Variants in FER1L5 observed in about 807,000 individuals in gnomAD.
FER1L5 encodes the protein fer-1-like protein 5.
A neutral mutation model predicts 279.9 loss-of-function variants in FER1L5; 187 were observed. The observed-to-expected ratio is 0.67, with a 90% CI of 0.59 to 0.75. FER1L5 has a LOEUF of 0.75. FER1L5 is among the 30% of genes least tolerant of loss of function. The probability of loss-of-function intolerance (pLI) is 0.00; values close to 1 mark genes in which losing one functional copy is unlikely to be tolerated. For synonymous variants in FER1L5, 921 were observed against 989.7 expected (o/e 0.93, Z 1.30); for missense variants, 2,091 against 2,594.4 (o/e 0.81, Z 4.21).
intron 6 of FER1L5, among the ~76,000 whole-genome samples, chr2:96,651,264 TTTCTTTC>T (rs1440557045): frequency 2.7e-5 from 4 of 150,176 alleles, no homozygotes; most frequent in African/African-American, 7.4e-5. Flanking sequence ...TCTTTCTTTC[TTTCTTTC>T]TTTCTTTCTT....
Position 96,704,803 on chromosome 2 carries a change from C to G in FER1L5, c.*111C>G. 2.5e-6 allele frequency: 2 copies of G among 811,284 alleles called. No homozygotes were observed. Among genetic ancestry groups the G allele is most frequent in the South Asian group, 3.5e-5 (2 of 57,812 alleles). The allele number at this position is 811,284 out of a possible 1,614,324, so 50.3% of individuals were successfully genotyped here. ...ATATATGCAAGATGCTAGGAATATT[C>G]TGGCTATTGTGTTCAGAAATCACTT... is the stretch of plus-strand genomic sequence containing the variant. On this transcript the variant is annotated 3_prime_UTR_variant, in exon 53 of 53. Coordinates refer to ENST00000624922, the MANE Select transcript of FER1L5 (RefSeq NM_001293083.2).
At chr2:96,678,593 T>C (rs568511097) in intron 19 of FER1L5, among the ~76,000 whole-genome samples, 5 of 151,686 alleles carry the variant, frequency 3.3e-5, no homozygotes, top group Middle Eastern at 3.4e-3. Flanking sequence ...CCACCACACC[T>C]GGCTAATTTT....
chr2:96,654,605 A>G, intron 9 of FER1L5, 109 bp downstream of exon 9: 1 of 393,468 alleles, frequency 2.5e-6, no homozygotes, highest in Non-Finnish European at 4.5e-6. Flanking sequence ...TTCACACAGA[A>G]AGATCCAGAC....
rs200413243 is a variant in FER1L5 at position 96,647,828 on chromosome 2, G to A, written c.281G>A (p.Ser94Asn). 2,203 of 1,551,824 alleles carry A rather than the reference G, an allele frequency of 1.4e-3. No individual in the cohort carries two copies. The highest frequency in any genetic ancestry group is 1.8e-3 in the Non-Finnish European group (2,029 of 1,147,020). The change falls in exon 4 of 53, where the codon AGT (serine) becomes AAT (asparagine). Residue 94 changes from serine to asparagine, a missense_variant. Physicochemically the swap from Ser to Asn is conservative, Grantham distance 46. Transcript: ENST00000624922. ...VLLKPLLKQP[S>N]EVLFVKDLTL... is the part of the protein sequence containing the mutation. Reference sequence around the variant, plus strand: ...CTCAAGCCATTGTTGAAACAACCAAGTGAGGTCCTTTTTGTGAAGGACTTG... The same window carrying A: ...CTCAAGCCATTGTTGAAACAACCAAATGAGGTCCTTTTTGTGAAGGACTTG...
intron 9 of FER1L5, among the ~76,000 whole-genome samples, chr2:96,655,944 T>C (rs1024805379): frequency 9.9e-5 from 15 of 152,218 alleles, no homozygotes; most frequent in Non-Finnish European, 1.9e-4. Context: ...ACTCCTGGGC[T>C]TAAGCCGTCC....
At chr2:96,660,405 C>T in intron 10 of FER1L5, 34 bp downstream of exon 10, 1 of 1,549,612 alleles carries the variant, frequency 6.5e-7, no homozygotes, top group South Asian at 1.2e-5. Flanking sequence ...TGTATGTCTT[C>T]TGAGAAAAAT....
Position 96,662,122 on chromosome 2 carries a change from T to C in FER1L5, c.1019-93T>C, listed in dbSNP as rs764396137. The C allele has an allele frequency of 2.9e-4, 372 of 1,274,884 alleles. 1 individual carries two copies. Among genetic ancestry groups the C allele is most frequent in the Non-Finnish European group, 4.0e-4 (358 of 898,394 alleles). 79.0% of individuals were successfully genotyped at this position (1,274,884 alleles called of 1,614,324 possible). ...GCCCAGGGGGCACCCCTCTAAATTA[T>C]AGGGGAGGGTTTTCAGTTGTTCTGT... On this transcript the variant is annotated intron_variant, in intron 12 of 52. Transcript: ENST00000624922.
rs530575755 is a variant in FER1L5, at chr2:96,695,743, T to G, written c.3896T>G (p.Leu1299Arg). 1.1e-5 allele frequency: 18 copies of G among 1,612,186 alleles called. No homozygotes were observed. The South Asian group carries it at 2.0e-4, about 18-fold the overall frequency. Residue 1299 changes from leucine to arginine, a missense_variant and splice_region_variant, in exon 36 of 53, where the codon CTC becomes CGC. Coordinates refer to ENST00000624922, the MANE Select transcript of FER1L5 (RefSeq NM_001293083.2). ...CCCCACGTCTCCTCGGGATTGCAGC[T>G]CATGCCGACGGAGGAGGCCTATGCA... ...ESESVLVLTV[L>R]MPTEEAYALP...
chr2:96,642,776 A>C lies in FER1L5; in HGVS notation c.-61A>C, dbSNP rs1156673203. 6.6e-7 allele frequency: 1 copy of C among 1,506,628 alleles called. No individual in the cohort carries two copies. The allele number at this position is 1,506,628 out of a possible 1,614,324, so 93.3% of individuals were successfully genotyped here. The stretch of plus-strand genomic sequence containing the variant: ...CGCTGGGAAAAGTCTTGGACTGAGG[A>C]GCTCCAAAAAGGAAGCTGTGGCGCT... On this transcript the variant is annotated 5_prime_UTR_variant, in exon 1 of 53. Transcript: ENST00000624922.
chr2:96,647,038 T>C, intron 2 of FER1L5, 26 bp from the exon 3 acceptor site: 1 of 1,546,498 alleles, frequency 6.5e-7, no homozygotes, highest in Non-Finnish European at 8.8e-7. Context: ...AGAGGGAGGA[T>C]GCTGACCTCT....
rs1159576167 is a variant in FER1L5 at position 96,669,023 on chromosome 2, C to G, written c.1268-20C>G. ...ACCCCTCGTCCTGCGCCCGACCCTT[C>G]TCACTCTCTCTCCTTCCAGGAGTGT... On this transcript the variant is annotated intron_variant, in intron 16 of 52. Transcript: ENST00000624922. The G allele has an allele frequency of 4.5e-6, 7 of 1,551,700 alleles. No homozygotes were observed. The South Asian group carries it at 8.3e-5, about 18-fold the overall frequency.
rs771915148 is a variant in FER1L5 at position 96,700,485 on chromosome 2, G to C, written c.5070+14G>C. ...GGCATCGACCAGGTATGAGACTGGA[G>C]GGGCCACTCCTGGCTCCTACAGGAG... On this transcript the variant is annotated intron_variant, in intron 45 of 52. Coordinates refer to ENST00000624922, the MANE Select transcript of FER1L5 (RefSeq NM_001293083.2). 6.2e-7 allele frequency: 1 copy of C among 1,612,336 alleles called. No homozygotes were observed. Among genetic ancestry groups the C allele is most frequent in the African/African-American group, 1.3e-5 (1 of 74,912 alleles).
intron 9 of FER1L5, among the ~76,000 whole-genome samples, chr2:96,658,608 A>G (rs1389250592): frequency 6.6e-6 from 1 of 152,056 alleles, no homozygotes; most frequent in Non-Finnish European, 1.5e-5. Flanking sequence ...AAAATTCCAA[A>G]CAGGTTCTGC....
rs1213701966 is a variant in FER1L5 at position 96,693,507 on chromosome 2, G to A, written c.3294G>A (p.Gly1098=). The A allele has an allele frequency of 1.7e-5, 27 of 1,551,012 alleles. No individual in the cohort carries two copies. Among genetic ancestry groups the A allele is most frequent in the South Asian group, 8.3e-5 (7 of 84,012 alleles). ...CTACCTTCTCCTCTACCCCTCCAGG[G>A]CCCTTCATTCGGGTGGTCTTCCTGA... ...LVSNQILTFQ[G]PFIRVVFLNH... Residue 1098 remains glycine (G), a splice_region_variant and synonymous_variant, in exon 32 of 53, where the codon GGG becomes GGA. Transcript: ENST00000624922.
rs2077271902 is a variant in FER1L5 at position 96,694,193 on chromosome 2, C to A, written c.3636+121C>A. On this transcript the variant is annotated intron_variant, in intron 33 of 52. Coordinates refer to ENST00000624922, the MANE Select transcript of FER1L5 (RefSeq NM_001293083.2). This position sits in a 1 kb window ranked among gnomAD's most constrained non-coding sequence, Gnocchi z 4.6. ...AATGCCTGGGGCCCAGGATCCCGAG[C>A]TGTGGGCTTGGTGACGCTGGCCTGA... is the stretch of plus-strand genomic sequence containing the variant. 1.4e-6 allele frequency: 2 copies of A among 1,398,674 alleles called. No homozygotes were observed. Among genetic ancestry groups the A allele is most frequent in the African/African-American group, 2.9e-5 (2 of 69,432 alleles). 86.6% of individuals were successfully genotyped at this position (1,398,674 alleles called of 1,614,324 possible).
intron 37 of FER1L5, among the ~76,000 whole-genome samples, chr2:96,696,873 C>G (rs926759999): frequency 6.6e-6 from 1 of 152,190 alleles, no homozygotes; most frequent in South Asian, 2.1e-4. Context: ...CCACTGCACT[C>G]CAGCCTAGGC....
At chr2:96,688,038 G>A (rs2076998725) in intron 24 of FER1L5, 91 bp downstream of exon 24, 2 of 1,499,452 alleles carry the variant, frequency 1.3e-6, no homozygotes, top group African/African-American at 2.8e-5. Flanking sequence ...TCCCTGCAGG[G>A]GATTTGGCGT....
chr2:96,646,520 C>A, intron 2 of FER1L5, 67 bp downstream of exon 2: 1 of 1,488,066 alleles, frequency 6.7e-7, no homozygotes, highest in South Asian at 1.2e-5. Flanking sequence ...AGGGTGGGGT[C>A]CAGGAAGGTG....
At chr2:96,676,613 T>C (rs1211216266) in intron 19 of FER1L5, among the ~76,000 whole-genome samples, 1 of 152,028 alleles carries the variant, frequency 6.6e-6, no homozygotes, top group Non-Finnish European at 1.5e-5. Flanking sequence ...CTGTGTTCGT[T>C]TTCATCAGGT....
Sources: allele counts gnomAD v4.1 joint callset (sites outside exome capture counted in the v4.1 genomes callset), GRCh38; gene constraint gnomAD v4.1.1; non-coding constraint Gnocchi (gnomAD v3.1); transcripts MANE v1.5; gene names NCBI Gene and HGNC (gene_info 2026-07-23, HGNC 2026-07-21).